KLHL13: variants seen among roughly 807,000 people sequenced by gnomAD.
KLHL13 encodes kelch like family member 13.
In KLHL13, 10 loss-of-function variants were observed where a neutral mutation model predicts 37.1. The ratio of observed to expected loss-of-function variants is 0.27; its 90% CI spans 0.17 to 0.46. The LOEUF is 0.46. KLHL13 is among the 20% of genes least tolerant of loss of function. The probability of loss-of-function intolerance (pLI) is 1.00; values close to 1 mark genes in which losing one functional copy is unlikely to be tolerated. For missense variants in KLHL13, 360 were observed against 509.3 expected (o/e 0.71, Z 2.82); for synonymous variants, 163 against 181.2 (o/e 0.90, Z 0.81).
chrX:118,017,991 G>A (rs1602654051), intron 1 of KLHL13, among the ~76,000 whole-genome samples: 1 of 111,479 alleles, frequency 9.0e-6, no homozygotes, highest in African/African-American at 3.3e-5. Context: ...TCACCACAAC[G>A]TGTCCTCCTA....
intron 1 of KLHL13, among the ~76,000 whole-genome samples, chrX:118,015,734 TA>T (rs2054120770): frequency 8.9e-6 from 1 of 111,850 alleles, no homozygotes; most frequent in African/African-American, 3.2e-5. Flanking sequence ...AATATGGTGA[TA>T]AATTTCATGT....
chrX:117,924,174 T>C (rs183805364), intron 2 of KLHL13, among the ~76,000 whole-genome samples: 53 of 112,352 alleles, frequency 4.7e-4, no homozygotes, highest in African/African-American at 1.5e-3. Context: ...CAGATTGTTT[T>C]CAAACAAATT....
chrX:117,983,548 G>A (rs2053689513), intron 1 of KLHL13: 1 of 1,131,544 alleles, frequency 8.8e-7, no homozygotes, highest in East Asian at 3.3e-5. Context: ...TCCGTCTCCT[G>A]AAAGTGGAGT....
Position 117,908,739 on chromosome X carries a change from T to C in KLHL13, c.1366+562A>G, listed in dbSNP as rs145014022. On this transcript the variant is annotated intron_variant, in intron 5 of 6. Coordinates refer to ENST00000262820, the Ensembl canonical transcript of KLHL13. Reference sequence around the variant, plus strand: ...TATGGAAAAGAAAACTATCTGATATTACGTCAACAGAATTATTTTTAAAAC... The same window carrying C: ...TATGGAAAAGAAAACTATCTGATATCACGTCAACAGAATTATTTTTAAAAC... Among the ~76,000 whole-genome samples, 40 of 112,185 alleles carry C rather than the reference T, an allele frequency of 3.6e-4. No individual in the cohort carries two copies. In the East Asian group the frequency reaches 0.011, roughly 30 times the overall value.
chrX:118,085,043 T>C (rs2055038540), intron 1 of KLHL13, among the ~76,000 whole-genome samples: 1 of 109,299 alleles, frequency 9.1e-6, no homozygotes, highest in Non-Finnish European at 1.9e-5. Flanking sequence ...ATAATAATAA[T>C]AATAATGAGG....
rs955597048 is a variant in KLHL13 at position 118,031,480 on chromosome X, T to C, written c.-56+85028A>G. 2.8e-4 allele frequency among the ~76,000 whole-genome samples: 25 copies of C among 90,805 alleles called. 1 individual carries two copies. The highest frequency in any genetic ancestry group is 1.2e-3 in the African/African-American group (25 of 20,442). The allele number at this position is 90,805 out of a possible 115,157, so 78.9% of individuals were successfully genotyped here. On this transcript the variant is annotated intron_variant, in intron 1 of 6. Coordinates refer to the KLHL13 transcript ENST00000371882. ...AGATATATATATTTAGATATATATA[T>C]AGATATATATATTTAGATATATATA... is the stretch of plus-strand genomic sequence containing the variant.
At position 118,086,263 on chromosome X, in the gene KLHL13, T is replaced by C. The variant is rs766216714; in HGVS notation, c.-56+30245A>G. Among the ~76,000 whole-genome samples, 15 of 111,723 alleles carry C rather than the reference T, an allele frequency of 1.3e-4. 1 individual carries two copies. The South Asian group carries it at 1.5e-3, about 11-fold the overall frequency. On this transcript the variant is annotated intron_variant, in intron 1 of 6. Transcript: ENST00000371882. ...CTTTTTTATATAATGGCTTTTTTTT[T>C]CCCCTTTGGGTAGATACCCAATAGT...
intron 1 of KLHL13, among the ~76,000 whole-genome samples, chrX:118,060,096 A>G (rs1252009395): frequency 8.9e-6 from 1 of 112,158 alleles, no homozygotes; most frequent in Middle Eastern, 4.2e-3. Flanking sequence ...TGGAGAAAAC[A>G]GACATAACAG....
chrX:117,925,752 C>T (rs1931974612), intron 2 of KLHL13, among the ~76,000 whole-genome samples: 1 of 111,936 alleles, frequency 8.9e-6, no homozygotes, highest in African/African-American at 3.3e-5. Flanking sequence ...TACTCTGACC[C>T]GTCTTATCAG....
chrX:118,095,124 G>C (rs919119722), intron 1 of KLHL13, among the ~76,000 whole-genome samples: 5 of 111,571 alleles, frequency 4.5e-5, no homozygotes, highest in Admixed American at 1.9e-4. Context: ...AGACCCACCA[G>C]TGTGCTGCAT....
At chrX:117,983,441 A>T in intron 1 of KLHL13, 2 of 941,609 alleles carry the variant, frequency 2.1e-6, no homozygotes, top group Non-Finnish European at 2.8e-6. Flanking sequence ...CACTGAAAAA[A>T]AAAAAAAGGT....
intron 2 of KLHL13, among the ~76,000 whole-genome samples, chrX:117,923,082 A>G (rs1460368549): frequency 8.9e-6 from 1 of 111,823 alleles, no homozygotes; most frequent in Non-Finnish European, 1.9e-5. Context: ...CAGTAGGGGC[A>G]TGTCATAAGT....
At chrX:117,998,336 T>A (rs1184681498) in intron 1 of KLHL13, among the ~76,000 whole-genome samples, 5 of 112,099 alleles carry the variant, frequency 4.5e-5, no homozygotes, top group African/African-American at 1.6e-4. Flanking sequence ...GTTGCAACTG[T>A]CTGGGTCTAC....
chrX:117,931,078 G>A (rs1469212235), intron 2 of KLHL13, among the ~76,000 whole-genome samples: 1 of 111,668 alleles, frequency 9.0e-6, no homozygotes, highest in African/African-American at 3.3e-5. Flanking sequence ...AAGGCAACAC[G>A]TGTTAATCTG....
rs749041172 is a variant in KLHL13 at position 118,046,941 on chromosome X, A to G, written c.-56+69567T>C. ...GTGACCTTTACCAAGAGCAGTTTCAATATCAGTGGGGAGAACTTTACTGCA... is the reference window on the plus strand; with the variant it reads ...GTGACCTTTACCAAGAGCAGTTTCAGTATCAGTGGGGAGAACTTTACTGCA... On this transcript the variant is annotated intron_variant, in intron 1 of 6. Transcript: ENST00000371882. Among the ~76,000 whole-genome samples the G allele has an allele frequency of 4.0e-4, 45 of 112,108 alleles. 1 individual carries two copies. In the South Asian group the frequency reaches 4.9e-3, roughly 12 times the overall value.
chrX:118,112,954 T>C (rs1454516264), intron 1 of KLHL13, among the ~76,000 whole-genome samples: 2 of 112,369 alleles, frequency 1.8e-5, no homozygotes, highest in African/African-American at 6.5e-5. Flanking sequence ...TTCTAAAACC[T>C]AGGTTATTCC....
At chrX:118,052,745 T>C (rs1170583340) in intron 1 of KLHL13, among the ~76,000 whole-genome samples, 2 of 109,227 alleles carry the variant, frequency 1.8e-5, no homozygotes, top group East Asian at 5.7e-4. Flanking sequence ...AAGAATTGCT[T>C]GAACCCAAGA....
chrX:118,107,650 C>T (rs1170810907), intron 1 of KLHL13, among the ~76,000 whole-genome samples: 2 of 111,987 alleles, frequency 1.8e-5, no homozygotes, highest in East Asian at 5.5e-4. Flanking sequence ...ATAAACAAGG[C>T]TCAGAGAGGT....
intron 1 of KLHL13, among the ~76,000 whole-genome samples, chrX:117,984,135 T>C (rs888345550): frequency 9.0e-6 from 1 of 111,673 alleles, no homozygotes; most frequent in African/African-American, 3.2e-5. Context: ...GATTTGGTTT[T>C]TGTTAAGTTC....
Sources: allele counts gnomAD v4.1 joint callset (sites outside exome capture counted in the v4.1 genomes callset), GRCh38; gene constraint gnomAD v4.1.1; transcripts MANE v1.5; gene names NCBI Gene and HGNC (gene_info 2026-07-23, HGNC 2026-07-21).